GPATCH2L: variants seen among roughly 807,000 people sequenced by gnomAD.
GPATCH2L encodes G patch domain-containing protein 2-like.
GPATCH2L carries 31 observed loss-of-function variants against 57.4 expected under a neutral mutation model. The ratio of observed to expected loss-of-function variants is 0.54; its 90% CI spans 0.41 to 0.73. The LOEUF is 0.73. GPATCH2L is among the 30% of genes least tolerant of loss of function. The pLI, the probability that GPATCH2L is intolerant of heterozygous loss-of-function variation, is 0.00. For missense variants in GPATCH2L, 481 were observed against 599.9 expected (o/e 0.80, Z 2.07); for synonymous variants, 199 against 210.7 (o/e 0.94, Z 0.48).
intron 8 of GPATCH2L, among the ~76,000 whole-genome samples, chr14:76,182,162 C>T (rs2039584581): frequency 3.3e-5 from 5 of 151,842 alleles, no homozygotes; most frequent in Admixed American, 3.3e-4. Context: ...TCGAGACCAT[C>T]CTGGCTAACA....
At position 76,176,673 on chromosome 14, in the gene GPATCH2L, T is replaced by G. The variant is rs745865345; in HGVS notation, c.1035T>G (p.Ser345Arg). 2 of 1,609,324 alleles carry G rather than the reference T, an allele frequency of 1.2e-6. No individual in the cohort carries two copies. Among genetic ancestry groups the G allele is most frequent in the East Asian group, 2.2e-5 (1 of 44,826 alleles). The change falls in exon 6 of 10, where the codon AGT becomes AGG. Residue 345 changes from serine (S) to arginine (R), a missense_variant. Ser to Arg is a moderately radical substitution (Grantham distance 110). Coordinates refer to ENST00000261530, the MANE Select transcript of GPATCH2L (RefSeq NM_017926.4). The stretch of plus-strand genomic sequence containing the variant: ...CTGAGAGGATAAGCCATATCATTAG[T>G]GACCCTCGGCAGAAAGAGTAAGTGC... Reference protein sequence around the residue: ...LGTERISHIISDPRQKEKNKA... With the variant: ...LGTERISHIIRDPRQKEKNKA...
chr14:76,226,897 T>C (rs1281165286), intron 1 of GPATCH2L, among the ~76,000 whole-genome samples: 1 of 152,174 alleles, frequency 6.6e-6, no homozygotes, highest in Non-Finnish European at 1.5e-5. Flanking sequence ...ACACTTATGA[T>C]TGTGCATTTT....
At chr14:76,188,118 T>C (rs1056567559) in intron 8 of GPATCH2L, among the ~76,000 whole-genome samples, 7 of 152,112 alleles carry the variant, frequency 4.6e-5, no homozygotes, top group Admixed American at 1.3e-4. Flanking sequence ...CCATCATCAG[T>C]TGATGAACAC....
chr14:76,213,289 T>C lies in GPATCH2L; in HGVS notation c.*11438T>C, dbSNP rs1223627386. 6.6e-6 allele frequency: 1 copy of C among 152,230 alleles called. No individual in the cohort carries two copies. Among genetic ancestry groups the C allele is most frequent in the African/African-American group, 2.4e-5 (1 of 41,536 alleles). The allele number at this position is 152,230 out of a possible 1,614,324, so 9.4% of individuals were successfully genotyped here. On this transcript the variant is annotated 3_prime_UTR_variant, in exon 10 of 10. Transcript: ENST00000261530. Reference sequence around the variant, plus strand: ...AACTGTATGCAAACAATTTAAAAACTTGGATTAAATGGATAATTTTCCAGG... The same window carrying C: ...AACTGTATGCAAACAATTTAAAAACCTGGATTAAATGGATAATTTTCCAGG...
intron 2 of GPATCH2L, among the ~76,000 whole-genome samples, chr14:76,232,774 C>A (rs979858299): frequency 1.3e-5 from 2 of 152,130 alleles, no homozygotes; most frequent in African/African-American, 4.8e-5. Context: ...GTCCTTTTCC[C>A]AGCACTGATA....
In GPATCH2L at chr14:76,154,532, C is replaced by G; in HGVS notation, c.169C>G (p.His57Asp). 6.2e-7 allele frequency: 1 copy of G among 1,614,236 alleles called. No homozygotes were observed. The highest frequency in any genetic ancestry group is 8.5e-7 in the Non-Finnish European group (1 of 1,180,044). ...TTCTGACTTCACTCACCTGGCAGAG[C>G]ATACCTGCTGCTACAGCGAGGCCTC... is the stretch of plus-strand genomic sequence containing the variant. Reference protein sequence around the residue: ...RRSDFTHLAEHTCCYSEASES... With the variant: ...RRSDFTHLAEDTCCYSEASES... The change falls in exon 2 of 10, where the codon CAT becomes GAT. Residue 57 changes from histidine (H) to aspartate (D), a missense_variant. His to Asp is a moderately conservative substitution (Grantham distance 81). Around this residue, in one of 3 missense-constraint regions of GPATCH2L, gnomAD observed 208 missense variants for 272.4 expected, o/e 0.76. Transcript: ENST00000261530. The surrounding 1 kb of genome is among the most constrained non-coding windows in gnomAD (Gnocchi z 4.4).
chr14:76,214,260 A>G lies in GPATCH2L; in HGVS notation c.*12409A>G, dbSNP rs1036073882. ...TATTCAAGTCTATTTTGTGCCTTTT[A>G]GCAGTGTTTTAAAATTATCCTTGTG... is the stretch of plus-strand genomic sequence containing the variant. On this transcript the variant is annotated 3_prime_UTR_variant, in exon 10 of 10. Coordinates refer to ENST00000261530, the MANE Select transcript of GPATCH2L (RefSeq NM_017926.4). 2.6e-5 allele frequency: 4 copies of G among 152,192 alleles called. No individual in the cohort carries two copies. The highest frequency in any genetic ancestry group is 9.6e-5 in the African/African-American group (4 of 41,456). The allele number at this position is 152,192 out of a possible 1,614,324, so 9.4% of individuals were successfully genotyped here.
intron 2 of GPATCH2L, among the ~76,000 whole-genome samples, chr14:76,230,577 CA>C (rs1223916635): frequency 6.6e-6 from 1 of 152,032 alleles, no homozygotes; most frequent in Non-Finnish European, 1.5e-5. Flanking sequence ...TTGGGAAGAA[CA>C]AACAAGAATT....
intron 2 of GPATCH2L, among the ~76,000 whole-genome samples, chr14:76,163,037 A>G (rs921674907): frequency 6.6e-6 from 1 of 152,210 alleles, no homozygotes; most frequent in African/African-American, 2.4e-5. Context: ...ATTCAAAGGT[A>G]TCTTCTGCAT....
intron 3 of GPATCH2L, among the ~76,000 whole-genome samples, chr14:76,169,618 T>C (rs1396462810): frequency 6.6e-6 from 1 of 152,204 alleles, no homozygotes; most frequent in Admixed American, 6.5e-5. Context: ...TCTCACAACG[T>C]TCCTTCTAGT....
chr14:76,189,169 A>G (rs536693591), intron 8 of GPATCH2L, among the ~76,000 whole-genome samples: 1 of 152,080 alleles, frequency 6.6e-6, no homozygotes, highest in Admixed American at 6.5e-5. Flanking sequence ...TTTGTTTAGG[A>G]TAGCTTTGGC....
At chr14:76,166,860 C>A in intron 3 of GPATCH2L, 133 bp downstream of exon 3, 1 of 692,298 alleles carries the variant, frequency 1.4e-6, no homozygotes, top group Non-Finnish European at 2.6e-6. Flanking sequence ...ATATGAGAGT[C>A]ACCTAGGGAA....
At chr14:76,161,353 A>G (rs1268002224) in intron 2 of GPATCH2L, among the ~76,000 whole-genome samples, 3 of 152,242 alleles carry the variant, frequency 2.0e-5, no homozygotes, top group Non-Finnish European at 4.4e-5. Context: ...GATGCAAAAA[A>G]CACCTCTTAT....
At chr14:76,225,396 TGGA>T (rs1430787574) in intron 1 of GPATCH2L, among the ~76,000 whole-genome samples, 6 of 152,142 alleles carry the variant, frequency 3.9e-5, no homozygotes, top group Admixed American at 2.6e-4. Context: ...CTGACTCAGT[TGGA>T]TATTCACAGG....
Position 76,213,895 on chromosome 14 carries a change from C to T in GPATCH2L, c.*12044C>T, listed in dbSNP as rs970694915. ...TCCCAGTAATGTTGTTTTTCTGGTTCGGTATTCAATCCAGGATCCATATGT... is the reference window on the plus strand; with the variant it reads ...TCCCAGTAATGTTGTTTTTCTGGTTTGGTATTCAATCCAGGATCCATATGT... On this transcript the variant is annotated 3_prime_UTR_variant, in exon 10 of 10. Transcript: ENST00000261530. The T allele has an allele frequency of 3.9e-5, 6 of 152,058 alleles. No individual in the cohort carries two copies. Among genetic ancestry groups the T allele is most frequent in the Non-Finnish European group, 4.4e-5 (3 of 67,996 alleles). 9.4% of individuals were successfully genotyped at this position (152,058 alleles called of 1,614,324 possible). A position where few individuals can be genotyped will look rare whatever the true frequency, so the allele number is the denominator to read the frequency against.
At chr14:76,193,638 G>T (rs1480122930) in intron 8 of GPATCH2L, among the ~76,000 whole-genome samples, 1 of 152,124 alleles carries the variant, frequency 6.6e-6, no homozygotes, top group East Asian at 1.9e-4. Flanking sequence ...AAGAAAAAGA[G>T]AGTTATCAGA....
At chr14:76,152,759 T>C (rs1320128303) in intron 1 of GPATCH2L, 1 of 456,130 alleles carries the variant, frequency 2.2e-6, no homozygotes, top group Admixed American at 2.3e-5. Flanking sequence ...GTTTGTGCTG[T>C]TCTGCCTGAG....
At chr14:76,233,696 C>T (rs534803182) in intron 2 of GPATCH2L, among the ~76,000 whole-genome samples, 15 of 152,302 alleles carry the variant, frequency 9.8e-5, no homozygotes, top group South Asian at 2.1e-4. Context: ...GATTCACAAA[C>T]GCAATGATCA....
chr14:76,228,943 G>A (rs2040548602), intron 1 of GPATCH2L, among the ~76,000 whole-genome samples: 1 of 152,208 alleles, frequency 6.6e-6, no homozygotes. Context: ...AATAATCAAT[G>A]ATGCTGTGTC....
Sources: gnomAD v4.1 joint callset for allele counts (sites outside exome capture counted in the v4.1 genomes callset) on GRCh38, gnomAD v4.1.1 for gene constraint, gnomAD v4.1.1 regional missense constraint, Gnocchi (gnomAD v3.1) non-coding constraint, MANE v1.5 for transcripts, NCBI Gene and HGNC (gene_info 2026-07-23, HGNC 2026-07-21) for gene names.